INPP5B: variants seen among roughly 807,000 people sequenced by gnomAD.
The protein encoded by INPP5B is inositol polyphosphate-5-phosphatase B, also known as type II inositol 1,4,5-trisphosphate 5-phosphatase.
Under a neutral mutation model 118.5 loss-of-function variants are expected in INPP5B, and 90 were observed. The observed-to-expected ratio is 0.76, with a 90% CI of 0.64 to 0.90. INPP5B has a LOEUF of 0.90. Among genes scored for constraint, INPP5B ranks in the 40% least tolerant of loss-of-function variants. INPP5B has a pLI of 0.00. For synonymous variants in INPP5B, 385 were observed against 418.9 expected (o/e 0.92, Z 0.99); for missense variants, 984 against 1,125.6 (o/e 0.87, Z 1.80).
intron 7 of INPP5B, among the ~76,000 whole-genome samples, chr1:37,893,684 A>C (rs1643914672): frequency 6.6e-6 from 1 of 152,122 alleles, no homozygotes; most frequent in Non-Finnish European, 1.5e-5. Flanking sequence ...ATCACTTTAA[A>C]TCTTTTAAAG....
chr1:37,899,352 T>C (rs1644243492), intron 7 of INPP5B, among the ~76,000 whole-genome samples: 1 of 151,572 alleles, frequency 6.6e-6, no homozygotes, highest in South Asian at 2.1e-4. Flanking sequence ...TCACCTGAGG[T>C]TGGGAGTTCG....
At chr1:37,864,141 T>C (rs1002066793) in intron 23 of INPP5B, among the ~76,000 whole-genome samples, 171 bp downstream of exon 23, 4 of 152,014 alleles carry the variant, frequency 2.6e-5, no homozygotes, top group Non-Finnish European at 5.9e-5. Flanking sequence ...CTTGTGTTGT[T>C]AGGAGTGGGG....
At chr1:37,914,971 C>T (rs1036294730) in intron 7 of INPP5B, among the ~76,000 whole-genome samples, 3 of 152,040 alleles carry the variant, frequency 2.0e-5, no homozygotes, top group South Asian at 2.1e-4. Context: ...CCTTTCATGC[C>T]GACAATTGAA....
rs1431969069 is a variant in INPP5B at position 37,861,622 on chromosome 1, C to T, written c.*693G>A. 1 of 151,936 alleles carries T rather than the reference C, an allele frequency of 6.6e-6. No homozygotes were observed. The highest frequency in any genetic ancestry group is 2.4e-5 in the African/African-American group (1 of 41,302). The allele number at this position is 151,936 out of a possible 1,614,324, so 9.4% of individuals were successfully genotyped here. ...GCGGACGCCTATAATCCCAGCTACTCGAGAGGCTGAGGCAGGAGAATTGCT... is the reference window on the plus strand; with the variant it reads ...GCGGACGCCTATAATCCCAGCTACTTGAGAGGCTGAGGCAGGAGAATTGCT... On this transcript the variant is annotated 3_prime_UTR_variant, in exon 24 of 24. Coordinates refer to ENST00000373024, the MANE Select transcript of INPP5B (RefSeq NM_005540.3).
chr1:37,923,038 G>A (rs977954665), intron 7 of INPP5B, among the ~76,000 whole-genome samples: 20 of 152,174 alleles, frequency 1.3e-4, no homozygotes, highest in Admixed American at 2.6e-4. Context: ...CAGGAAGCGG[G>A]GAGGGCAACA....
intron 7 of INPP5B, among the ~76,000 whole-genome samples, chr1:37,916,068 C>T (rs1212318621): frequency 6.6e-6 from 1 of 152,036 alleles, no homozygotes; most frequent in Non-Finnish European, 1.5e-5. Flanking sequence ...GCCAGGCCTA[C>T]CACTGAATTG....
intron 7 of INPP5B, among the ~76,000 whole-genome samples, chr1:37,901,608 A>G (rs529808040): frequency 6.6e-6 from 1 of 152,184 alleles, no homozygotes; most frequent in South Asian, 2.1e-4. Flanking sequence ...CATCTTGTCG[A>G]TGTCTTCTCA....
Position 37,909,418 on chromosome 1 carries a change from C to G in INPP5B, c.533-17964G>C, listed in dbSNP as rs564070771. Among the ~76,000 whole-genome samples the G allele has an allele frequency of 3.3e-5, 5 of 152,274 alleles. No homozygotes were observed. The South Asian group carries it at 8.3e-4, about 25-fold the overall frequency. On this transcript the variant is annotated intron_variant, in intron 7 of 23. Coordinates refer to ENST00000373024, the MANE Select transcript of INPP5B (RefSeq NM_005540.3). ...ATTACCTCCCCTCCTCACACCCGGT[C>G]TGGCTTACAGTTTCATTCCGTGACC...
At chr1:37,885,575 A>G (rs1192165784) in intron 13 of INPP5B, 63 bp downstream of exon 13, 1 of 1,462,938 alleles carries the variant, frequency 6.8e-7, no homozygotes, top group Middle Eastern at 2.5e-4. Flanking sequence ...TCCCCATGAA[A>G]AGACAGAGCC....
chr1:37,913,836 A>G (rs1644780636), intron 7 of INPP5B, among the ~76,000 whole-genome samples: 1 of 152,220 alleles, frequency 6.6e-6, no homozygotes, highest in Non-Finnish European at 1.5e-5. Flanking sequence ...TGTGACCTGC[A>G]TGTATACATC....
intron 7 of INPP5B, among the ~76,000 whole-genome samples, chr1:37,897,766 T>A (rs547176669): frequency 6.0e-5 from 9 of 151,138 alleles, no homozygotes; most frequent in African/African-American, 2.2e-4. Context: ...AAAATAAAAT[T>A]AAATAAAAAT....
intron 3 of INPP5B, among the ~76,000 whole-genome samples, chr1:37,944,204 G>C (rs1052048536): frequency 3.3e-5 from 5 of 152,118 alleles, no homozygotes; most frequent in Non-Finnish European, 7.4e-5. Context: ...TGCAACCTTA[G>C]CTACCCACTT....
At chr1:37,933,781 G>A (rs1418087735) in intron 6 of INPP5B, among the ~76,000 whole-genome samples, 2 of 150,742 alleles carry the variant, frequency 1.3e-5, no homozygotes, top group East Asian at 1.9e-4. Context: ...AAAATGTAGT[G>A]TTCACATTCA....
intron 7 of INPP5B, among the ~76,000 whole-genome samples, chr1:37,899,817 C>A (rs1644262512): frequency 6.6e-6 from 1 of 151,752 alleles, no homozygotes; most frequent in South Asian, 2.1e-4. Context: ...GGGTTCACGC[C>A]ATTCTCCTGC....
intron 23 of INPP5B, among the ~76,000 whole-genome samples, chr1:37,863,816 C>CAT (rs1396197805): frequency 1.5e-5 from 2 of 137,778 alleles, no homozygotes; most frequent in African/African-American, 5.3e-5. Flanking sequence ...CATGACTATA[C>CAT]TTTTTTTTTT....
intron 21 of INPP5B, 180 bp from the exon 22 acceptor site, chr1:37,866,068 G>T: frequency 1.8e-6 from 1 of 568,126 alleles, no homozygotes; most frequent in Non-Finnish European, 2.2e-6. Context: ...GCCCTCCTGA[G>T]TTCCTGCTCT....
chr1:37,874,173 GC>G lies in INPP5B; in HGVS notation c.1789-19del, dbSNP rs1388670271. On this transcript the variant is annotated intron_variant, in intron 17 of 23. Transcript: ENST00000373024. ...AAACAGAACTGGGAAGAAGCCCGGG[GC>G]CAGTGAAAACCAGTGCCCTTTCCTC... The G allele has an allele frequency of 3.2e-6, 5 of 1,540,692 alleles. No homozygotes were observed. In the African/African-American group the frequency reaches 4.1e-5, roughly 13 times the overall value.
At chr1:37,941,958 A>AAAAAAAAAT (rs1427344681) in intron 5 of INPP5B, 1 of 30,392 alleles carries the variant, frequency 3.3e-5, no homozygotes, top group Non-Finnish European at 6.6e-5. Flanking sequence ...AAAAAAAAAA[A>AAAAAAAAAT]ATATATATAT....
chr1:37,921,361 A>C (rs551616950), intron 7 of INPP5B, among the ~76,000 whole-genome samples: 128 of 152,344 alleles, frequency 8.4e-4, no homozygotes, highest in African/African-American at 3.0e-3. Flanking sequence ...TGACATTCAT[A>C]ACACAGGGCA....
Sources: allele counts gnomAD v4.1 joint callset (sites outside exome capture counted in the v4.1 genomes callset), GRCh38; gene constraint gnomAD v4.1.1; transcripts MANE v1.5; gene names NCBI Gene and HGNC (gene_info 2026-07-23, HGNC 2026-07-21).